ZNF860: variants seen among roughly 807,000 people sequenced by gnomAD.
ZNF860 encodes zinc finger protein 860.
For synonymous variants in ZNF860, 206 were observed against 248.9 expected (o/e 0.83, Z 1.62); for missense variants, 641 against 759.2 (o/e 0.84, Z 1.83).
chr3:31,991,150 C>G lies in ZNF860; in HGVS notation c.*172C>G, dbSNP rs553670692. 1 of 727,222 alleles carries G rather than the reference C, an allele frequency of 1.4e-6. No homozygotes were observed. The highest frequency in any genetic ancestry group is 2.0e-5 in the South Asian group (1 of 50,202). 45.0% of individuals were successfully genotyped at this position (727,222 alleles called of 1,614,324 possible). ...GCATTAATTGACATTAAAGTGTTTA[C>G]GTTAAGAGGATTGGGCTGGGCAGGG... On this transcript the variant is annotated 3_prime_UTR_variant, in exon 2 of 2. Transcript: ENST00000360311.
At chr3:31,994,281 G>A (rs1318861489), downstream of ZNF860, among the ~76,000 whole-genome samples, 1 of 152,154 alleles carries the variant, frequency 6.6e-6, no homozygotes, top group Non-Finnish European at 1.5e-5. Context: ...GAACGTGGGT[G>A]GAGTGATGGA....
At chr3:32,003,109 G>A in the ZNF860 span, among the ~76,000 whole-genome samples, 1 of 152,222 alleles carries the variant, frequency 6.6e-6, no homozygotes, top group Non-Finnish European at 1.5e-5. Flanking sequence ...ACCAGAGTGG[G>A]GCAGAGGGTG....
chr3:31,986,311 T>C (rs1245568891), intron 1 of ZNF860: 2 of 152,244 alleles, frequency 1.3e-5, no homozygotes, highest in African/African-American at 4.8e-5. Context: ...ACCAAGGCCT[T>C]CTGACTCCAA....
rs765251711 is a variant in ZNF860 at position 31,990,772 on chromosome 3, C to A, written c.1693C>A (p.Pro565Thr). 1 of 1,613,480 alleles carries A rather than the reference C, an allele frequency of 6.2e-7. No homozygotes were observed. The highest frequency in any genetic ancestry group is 2.2e-5 in the East Asian group (1 of 44,852). The change falls in exon 2 of 2, where the codon CCT (proline) becomes ACT (threonine). Residue 565 changes from proline (P) to threonine (T), a missense_variant. By Grantham distance (38) the Pro-to-Thr change is conservative. Transcript: ENST00000360311. ...TAAGAGAATTCATACTGGAGAGAAA[C>A]CTTACAAATGTGATGATTTTGACGA... ...THKRIHTGEK[P>T]YKCDDFDEAF... is the part of the protein sequence containing the mutation.
intron 1 of ZNF860, among the ~76,000 whole-genome samples, chr3:31,985,788 T>A (rs1232024036): frequency 6.6e-6 from 1 of 152,340 alleles, no homozygotes; most frequent in African/African-American, 2.4e-5. Flanking sequence ...TAATAGCTAA[T>A]GTATATTGAG....
chr3:31,988,388 A>C (rs1440799739), intron 1 of ZNF860, among the ~76,000 whole-genome samples: 6 of 152,154 alleles, frequency 3.9e-5, no homozygotes, highest in African/African-American at 1.4e-4. Context: ...AGTGTGTTGT[A>C]CATGTGGGAG....
At chr3:31,986,500 C>T (rs1203823477) in intron 1 of ZNF860, 2 of 152,260 alleles carry the variant, frequency 1.3e-5, no homozygotes, top group African/African-American at 2.4e-5. Context: ...AATCCCAGCA[C>T]TTTGGGAGGC....
At chr3:32,004,303 C>G in the ZNF860 span, among the ~76,000 whole-genome samples, 2 of 152,088 alleles carry the variant, frequency 1.3e-5, no homozygotes, top group African/African-American at 4.8e-5. Context: ...GGGCCTCCAG[C>G]AGGGAGCAGC....
downstream of ZNF860, among the ~76,000 whole-genome samples, chr3:31,995,948 C>G (rs1699086903): frequency 6.6e-6 from 1 of 152,078 alleles, no homozygotes; most frequent in African/African-American, 2.4e-5. Context: ...GACAAAATGC[C>G]CTGTGGAGGG....
Position 31,990,836 on chromosome 3 carries a change from G to T in ZNF860, c.1757G>T (p.Arg586Ile), listed in dbSNP as rs1446886534. 1.3e-6 allele frequency: 2 copies of T among 1,589,310 alleles called. No individual in the cohort carries two copies. Among genetic ancestry groups the T allele is most frequent in the African/African-American group, 2.7e-5 (2 of 74,200 alleles). Residue 586 changes from arginine to isoleucine, a missense_variant, in exon 2 of 2, where the codon AGA becomes ATA. Coordinates refer to ENST00000360311, the MANE Select transcript of ZNF860 (RefSeq NM_001137674.3). ...SQASSYAKQR[R>I]IHMGEKHHKC... ...GCTTCATCTTATGCAAAACAAAGGA[G>T]AATTCATATGGGAGAGAAACATCAC...
At chr3:31,994,863 T>A (rs1371655363), downstream of ZNF860, among the ~76,000 whole-genome samples, 2 of 152,142 alleles carry the variant, frequency 1.3e-5, no homozygotes, top group African/African-American at 4.8e-5. Flanking sequence ...TTTCCCTAAG[T>A]GTCGGCTGGT....
rs1698852462 is a variant in ZNF860, at chr3:31,981,778, A to T, written c.-545A>T. 2 of 152,128 alleles carry T rather than the reference A, an allele frequency of 1.3e-5. No individual in the cohort carries two copies. The highest frequency in any genetic ancestry group is 2.4e-5 in the African/African-American group (1 of 41,392). The allele number at this position is 152,128 out of a possible 1,614,324, so 9.4% of individuals were successfully genotyped here. A position where few individuals can be genotyped will look rare whatever the true frequency, so the allele number is the denominator to read the frequency against. On this transcript the variant is annotated 5_prime_UTR_variant, in exon 1 of 2. Transcript: ENST00000360311. The surrounding 1 kb of genome is among the most constrained non-coding windows in gnomAD (Gnocchi z 4.5). ...CACTCCCTCTCTCGGTCTTCCGCAC[A>T]CGATGCTGCGCCAGACGCTCCTACA...
chr3:32,005,654 C>G, the ZNF860 span, among the ~76,000 whole-genome samples: 1 of 152,164 alleles, frequency 6.6e-6, no homozygotes, highest in Non-Finnish European at 1.5e-5. Flanking sequence ...GTGTCGCTGT[C>G]TCGGCTCACT....
Position 31,990,146 on chromosome 3 carries a change from A to G in ZNF860, c.1067A>G (p.His356Arg). Residue 356 changes from histidine (H) to arginine (R), a missense_variant, in exon 2 of 2, where the codon CAC becomes CGC. Transcript: ENST00000360311. ...VCEKAFRRDS[H>R]LTQHTRIHTG... The stretch of plus-strand genomic sequence containing the variant: ...GAAAAGGCTTTCAGGCGTGATTCAC[A>G]CCTCACACAACACACTAGAATTCAC... 6.2e-7 allele frequency: 1 copy of G among 1,611,666 alleles called. No homozygotes were observed. The highest frequency in any genetic ancestry group is 8.5e-7 in the Non-Finnish European group (1 of 1,178,588).
At chr3:32,003,843 A>G in the ZNF860 span, among the ~76,000 whole-genome samples, 5 of 152,140 alleles carry the variant, frequency 3.3e-5, no homozygotes, top group South Asian at 4.1e-4. Context: ...CAAGGTGGAA[A>G]AGGGAGAACA....
At position 31,988,867 on chromosome 3, in the gene ZNF860, T is replaced by G; in HGVS notation, c.-213T>G. 1.6e-6 allele frequency: 1 copy of G among 620,640 alleles called. No homozygotes were observed. Among genetic ancestry groups the G allele is most frequent in the Non-Finnish European group, 2.8e-6 (1 of 360,406 alleles). 38.4% of individuals were successfully genotyped at this position (620,640 alleles called of 1,614,324 possible). On this transcript the variant is annotated 5_prime_UTR_variant, in exon 2 of 2. Transcript: ENST00000360311. ...ATGACTGCAGCCATGACCCACAGCTTGACTACAACCCAGAGAGACACTGAG... is the reference window on the plus strand; with the variant it reads ...ATGACTGCAGCCATGACCCACAGCTGGACTACAACCCAGAGAGACACTGAG...
At chr3:32,003,666 C>T in the ZNF860 span, among the ~76,000 whole-genome samples, 1 of 152,084 alleles carries the variant, frequency 6.6e-6, no homozygotes, top group Non-Finnish European at 1.5e-5. Context: ...CTTCACTGGC[C>T]GAAACCAATC....
At chr3:32,002,480 G>A in the ZNF860 span, among the ~76,000 whole-genome samples, 1 of 152,174 alleles carries the variant, frequency 6.6e-6, no homozygotes, top group Non-Finnish European at 1.5e-5. Flanking sequence ...TTAAGTCCTG[G>A]ACTATGAAGC....
chr3:32,005,275 C>G, the ZNF860 span, among the ~76,000 whole-genome samples: 2 of 152,256 alleles, frequency 1.3e-5, no homozygotes, highest in African/African-American at 2.4e-5. Flanking sequence ...ATGATGCACA[C>G]GCACATCTAG....
Sources: allele counts gnomAD v4.1 joint callset (sites outside exome capture counted in the v4.1 genomes callset), GRCh38; gene constraint gnomAD v4.1.1; non-coding constraint Gnocchi (gnomAD v3.1); transcripts MANE v1.5; gene names NCBI Gene and HGNC (gene_info 2026-07-23, HGNC 2026-07-21).